Variants in ITGB4 observed in about 807,000 individuals in gnomAD.
ITGB4 encodes integrin subunit beta 4.
ITGB4 carries 159 observed loss-of-function variants against 207.6 expected under a neutral mutation model. The ratio of observed to expected loss-of-function variants is 0.77; its 90% confidence interval spans 0.67 to 0.87. The LOEUF (loss-of-function observed/expected upper bound fraction) is 0.87, where lower values mean the gene tolerates loss of function less well. Among genes scored for constraint, ITGB4 ranks in the 40% least tolerant of loss-of-function variants. The pLI, the probability that ITGB4 is intolerant of heterozygous loss-of-function variation, is 0.00. For missense variants in ITGB4, 2,278 were observed against 2,546.8 expected (o/e 0.89, Z 2.27); for synonymous variants, 1,020 against 1,062.7 (o/e 0.96, Z 0.78).
At chr17:75,749,545 G>C (rs2061318204) in intron 27 of ITGB4, among the ~76,000 whole-genome samples, 1 of 152,152 alleles carries the variant, frequency 6.6e-6, no homozygotes, top group South Asian at 2.1e-4. Flanking sequence ...AAATAATCTT[G>C]TTGTTTATCT....
Position 75,732,852 on chromosome 17 carries a change from C to T in ITGB4, c.1454+613C>T, listed in dbSNP as rs1377562572. On this transcript the variant is annotated intron_variant, in intron 12 of 39. Transcript: ENST00000200181. This position sits in a 1 kb window ranked among gnomAD's most constrained non-coding sequence, Gnocchi z 5.3. ...CTGTAATCCCAGCACTTTGGGAGGC[C>T]GAGGTGGGTGGATCACCTGAGGTCA... is the stretch of plus-strand genomic sequence containing the variant. Among the ~76,000 whole-genome samples the T allele has an allele frequency of 1.3e-5, 2 of 152,032 alleles. No homozygotes were observed. Among genetic ancestry groups the T allele is most frequent in the African/African-American group, 2.4e-5 (1 of 41,390 alleles).
intron 35 of ITGB4, 116 bp from the exon 36 acceptor site, chr17:75,756,313 C>A: frequency 8.8e-7 from 1 of 1,138,352 alleles, no homozygotes; most frequent in South Asian, 1.3e-5. Flanking sequence ...ACCCAAACCA[C>A]AGCTAGTCCT....
At chr17:75,724,229 G>A (rs746561024) in intron 1 of ITGB4, among the ~76,000 whole-genome samples, 10 of 152,336 alleles carry the variant, frequency 6.6e-5, no homozygotes, top group Middle Eastern at 3.4e-3. Flanking sequence ...CTCTCCTCCC[G>A]GCTGTGCCAC....
chr17:75,728,041 C>A (rs966827864), intron 5 of ITGB4, among the ~76,000 whole-genome samples, 186 bp downstream of exon 5: 2 of 152,188 alleles, frequency 1.3e-5, no homozygotes, highest in African/African-American at 4.8e-5. Context: ...CCACTGGGGA[C>A]TTCTGAGAAG....
intron 34 of ITGB4, among the ~76,000 whole-genome samples, chr17:75,755,417 G>A (rs573342817): frequency 1.3e-5 from 2 of 152,298 alleles, no homozygotes; most frequent in East Asian, 3.9e-4. Context: ...CGGGGCTGGG[G>A]CTGGGGCAGG....
intron 34 of ITGB4, 62 bp downstream of exon 34, chr17:75,754,877 G>C: frequency 6.2e-7 from 1 of 1,609,520 alleles, no homozygotes; most frequent in Non-Finnish European, 8.5e-7. Context: ...AGCTCCTGGA[G>C]CCTCGGGCTT....
Position 75,739,619 on chromosome 17 carries a change from C to T in ITGB4, c.2221-53C>T. 1 of 1,611,006 alleles carries T rather than the reference C, an allele frequency of 6.2e-7. No individual in the cohort carries two copies. Among genetic ancestry groups the T allele is most frequent in the Non-Finnish European group, 8.5e-7 (1 of 1,177,542 alleles). On this transcript the variant is annotated intron_variant, in intron 18 of 39. Transcript: ENST00000200181. The surrounding 1 kb of genome is among the most constrained non-coding windows in gnomAD (Gnocchi z 5.4). ...GGGGCGGGGTGGCTGGAAGGGCTTA[C>T]CTGGGCCAGGGCAGCTGTCTCAGGC...
At chr17:75,748,503 C>T (rs1311028813) in intron 26 of ITGB4, among the ~76,000 whole-genome samples, 2 of 152,000 alleles carry the variant, frequency 1.3e-5, no homozygotes, top group South Asian at 2.1e-4. Flanking sequence ...AACCCCATCT[C>T]TACTAAAAAT....
Position 75,748,691 on chromosome 17 carries a change from A to G in ITGB4, c.3112-150A>G. On this transcript the variant is annotated intron_variant, in intron 26 of 39. Transcript: ENST00000200181. ...CCTCAAAAAAAAAAACAAACAAAAA[A>G]AACACAAAAACCTGAACCTCGTGTA... 7 of 633,498 alleles carry G rather than the reference A, an allele frequency of 1.1e-5. 1 individual carries two copies. Among genetic ancestry groups the G allele is most frequent in the East Asian group, 5.5e-5 (2 of 36,226 alleles). 39.2% of individuals were successfully genotyped at this position (633,498 alleles called of 1,614,324 possible).
At chr17:75,754,923 C>T in intron 34 of ITGB4, 108 bp downstream of exon 34, 1 of 1,555,620 alleles carries the variant, frequency 6.4e-7, no homozygotes, top group African/African-American at 1.4e-5. Flanking sequence ...CTCCAACATA[C>T]ACACACGCAT....
rs1196333962 is a variant in ITGB4 at position 75,733,667 on chromosome 17, C to T, written c.1632C>T (p.Pro544=). 1 of 1,614,140 alleles carries T rather than the reference C, an allele frequency of 6.2e-7. No homozygotes were observed. Among genetic ancestry groups the T allele is most frequent in the Non-Finnish European group, 8.5e-7 (1 of 1,180,028 alleles). ...QFCEYDNFQC[P]RTSGFLCNDR... is the part of the protein sequence containing the mutation. ...GCGAGTATGACAACTTCCAGTGTCC[C>T]CGCACTTCCGGGTTCCTCTGCAATG... The change falls in exon 13 of 40, where the codon CCC becomes CCT. Residue 544 remains proline, a synonymous_variant. Coordinates refer to ENST00000200181, the MANE Select transcript of ITGB4 (RefSeq NM_000213.5).
rs1010504091 is a variant in ITGB4, at chr17:75,757,159, T to C, written c.5219-41T>C. 2.5e-6 allele frequency: 4 copies of C among 1,612,138 alleles called. No individual in the cohort carries two copies. In the African/African-American group the frequency reaches 5.3e-5, roughly 22 times the overall value. ...CCACCCCTCCTCGGGCCGTGCCTCC[T>C]TCTGGCACCACCCTCTGACTGGCCT... On this transcript the variant is annotated intron_variant, in intron 38 of 39. Coordinates refer to ENST00000200181, the MANE Select transcript of ITGB4 (RefSeq NM_000213.5).
At position 75,727,094 on chromosome 17, in the gene ITGB4, T is replaced by C; in HGVS notation, c.80-101T>C. ...TCTCAAAATAAATAAATAAATAACA[T>C]AAGGAGGGAATCCCCATCTCTCCAG... On this transcript the variant is annotated intron_variant, in intron 2 of 39. Coordinates refer to ENST00000200181, the MANE Select transcript of ITGB4 (RefSeq NM_000213.5). This position sits in a 1 kb window ranked among gnomAD's most constrained non-coding sequence, Gnocchi z 6.0. 1.1e-6 allele frequency: 1 copy of C among 893,522 alleles called. No homozygotes were observed. The highest frequency in any genetic ancestry group is 1.4e-5 in the South Asian group (1 of 71,238). The allele number at this position is 893,522 out of a possible 1,614,324, so 55.3% of individuals were successfully genotyped here.
intron 1 of ITGB4, among the ~76,000 whole-genome samples, chr17:75,723,646 G>T (rs2148447746): frequency 6.6e-6 from 1 of 152,350 alleles, no homozygotes; most frequent in East Asian, 1.9e-4. Context: ...TCCTGCCCTT[G>T]GCCTGAGAAG....
rs368408505 is a variant in ITGB4, at chr17:75,748,969, C to T, written c.3240C>T (p.His1080=). The T allele has an allele frequency of 6.9e-5, 111 of 1,613,482 alleles. 1 individual carries two copies. The highest frequency in any genetic ancestry group is 1.7e-4 in the Admixed American group (10 of 60,012). The change falls in exon 27 of 40, where the codon CAC becomes CAT. Residue 1080 remains histidine (H), a synonymous_variant. Coordinates refer to ENST00000200181, the MANE Select transcript of ITGB4 (RefSeq NM_000213.5). Reference sequence around the variant, plus strand: ...GGGGCCGCCAGGTCCGCCGTTTCCACGTCCAGCTCAGCAACCCTAAGTTTG... The same window carrying T: ...GGGGCCGCCAGGTCCGCCGTTTCCATGTCCAGCTCAGCAACCCTAAGTTTG... ...LLRGRQVRRF[H]VQLSNPKFGA...
chr17:75,744,115 C>CTT (rs759492811), intron 26 of ITGB4, among the ~76,000 whole-genome samples: 1,582 of 110,878 alleles, frequency 0.014, 56 homozygotes, highest in African/African-American at 0.048. Flanking sequence ...AGGGCTCGCT[C>CTT]TTTTTTTTTT....
chr17:75,723,873 A>G (rs1038562914), intron 1 of ITGB4, among the ~76,000 whole-genome samples: 1 of 152,238 alleles, frequency 6.6e-6, no homozygotes, highest in African/African-American at 2.4e-5. Context: ...TTTCTTGTCC[A>G]GGCTTCAGGC....
chr17:75,725,233 G>A (rs560495410), intron 2 of ITGB4, among the ~76,000 whole-genome samples: 6 of 152,326 alleles, frequency 3.9e-5, no homozygotes, highest in African/African-American at 9.6e-5. Flanking sequence ...AATAGACCAC[G>A]ACAGAAATGT....
At position 75,750,171 on chromosome 17, in the gene ITGB4, A is replaced by G; in HGVS notation, c.3377A>G (p.Asp1126Gly). The change falls in exon 28 of 40, where the codon GAC (aspartate) becomes GGC (glycine). Residue 1126 changes from aspartate (D) to glycine (G), a missense_variant. Transcript: ENST00000200181. This position sits in a 1 kb window ranked among gnomAD's most constrained non-coding sequence, Gnocchi z 5.5. ...MLSSQPPPHG[D>G]LGAPQNPNAK... The stretch of plus-strand genomic sequence containing the variant: ...TCATCACAGCCACCCCCTCACGGCG[A>G]CCTGGGCGCCCCGCAGAACCCCAAT... 6.2e-7 allele frequency: 1 copy of G among 1,613,792 alleles called. No homozygotes were observed. Among genetic ancestry groups the G allele is most frequent in the East Asian group, 2.2e-5 (1 of 44,878 alleles).
Sources: allele counts gnomAD v4.1 joint callset (sites outside exome capture counted in the v4.1 genomes callset), GRCh38; gene constraint gnomAD v4.1.1; non-coding constraint Gnocchi (gnomAD v3.1); transcripts MANE v1.5; gene names NCBI Gene and HGNC (gene_info 2026-07-23, HGNC 2026-07-21).